The following MEOX2 variants were observed in gnomAD, a reference collection of about 807,000 sequenced individuals.
MEOX2 encodes homeobox protein MOX-2.
MEOX2 carries 11 observed loss-of-function variants against 27.0 expected under a neutral mutation model. The observed-to-expected ratio is 0.41, with a 90% CI of 0.26 to 0.68. MEOX2 has a LOEUF of 0.68. Among genes scored for constraint, MEOX2 ranks in the 30% least tolerant of loss-of-function variants. MEOX2 has a pLI of 0.33. For missense variants in MEOX2, 436 were observed against 385.4 expected (o/e 1.13, Z -1.10); for synonymous variants, 189 against 155.4 (o/e 1.22, Z -1.61).
At chr7:15,665,609 A>G (rs550916475) in intron 1 of MEOX2, among the ~76,000 whole-genome samples, 1 of 152,222 alleles carries the variant, frequency 6.6e-6, no homozygotes, top group Non-Finnish European at 1.5e-5. Flanking sequence ...TTTACCATGT[A>G]GTAAATATCA....
At position 15,670,599 on chromosome 7, in the gene MEOX2, C is replaced by T. The variant is rs183713996; in HGVS notation, c.517+15287G>A. Among the ~76,000 whole-genome samples, 45 of 152,252 alleles carry T rather than the reference C, an allele frequency of 3.0e-4. No homozygotes were observed. In the East Asian group the frequency reaches 4.1e-3, roughly 14 times the overall value. On this transcript the variant is annotated intron_variant, in intron 1 of 2. Coordinates refer to ENST00000262041, the MANE Select transcript of MEOX2 (RefSeq NM_005924.5). ...ACATATATCTATTGAGTACTTGGAA[C>T]GTGCTTAGTGGAGCCAAACAATTGA...
intron 1 of MEOX2, among the ~76,000 whole-genome samples, chr7:15,633,696 C>T (rs17168937): frequency 0.086 from 13,092 of 151,822 alleles, 1,334 homozygotes; most frequent in East Asian, 0.37. Context: ...TCATCATAGT[C>T]GCTTTAATGT....
chr7:15,684,825 G>A (rs1782351072), intron 1 of MEOX2, among the ~76,000 whole-genome samples: 1 of 152,204 alleles, frequency 6.6e-6, no homozygotes, highest in Non-Finnish European at 1.5e-5. Flanking sequence ...AAACTCACAA[G>A]TCTCTTAATT....
At chr7:15,644,198 T>C (rs1781607408) in intron 1 of MEOX2, among the ~76,000 whole-genome samples, 1 of 152,062 alleles carries the variant, frequency 6.6e-6, no homozygotes, top group South Asian at 2.1e-4. Context: ...ATTTTCATTG[T>C]AGCTGCCCAG....
Position 15,686,183 on chromosome 7 carries a change from G to A in MEOX2, c.220C>T (p.His74Tyr). ...TGCTGATGGTGGTGATGGTGGTGGT[G>A]GTGGTGGTGGTGGTGGTGCCCCCTG... ...HHRGHHHHHHHHHHHHHQQQQ... is the reference protein window; with the variant it reads ...HHRGHHHHHHYHHHHHHQQQQ... Residue 74 changes from histidine to tyrosine, a missense_variant, in exon 1 of 3, where the codon CAC (histidine) becomes TAC (tyrosine). Physicochemically the swap from His to Tyr is moderately conservative, Grantham distance 83. Transcript: ENST00000262041. The A allele has an allele frequency of 6.3e-7, 1 of 1,590,272 alleles. No homozygotes were observed. The highest frequency in any genetic ancestry group is 8.6e-7 in the Non-Finnish European group (1 of 1,165,506).
At chr7:15,660,927 C>T (rs1335298775) in intron 1 of MEOX2, among the ~76,000 whole-genome samples, 2 of 136,284 alleles carry the variant, frequency 1.5e-5, no homozygotes, top group Non-Finnish European at 3.1e-5. Flanking sequence ...GTGGGAGGAT[C>T]ACTTGAACTC....
intron 1 of MEOX2, among the ~76,000 whole-genome samples, chr7:15,648,056 G>C (rs935494286): frequency 2.0e-5 from 3 of 151,944 alleles, no homozygotes; most frequent in Admixed American, 6.6e-5. Context: ...ATACTATCAG[G>C]CTAGAGATAG....
intron 1 of MEOX2, among the ~76,000 whole-genome samples, chr7:15,669,627 G>A (rs948067901): frequency 2.2e-4 from 33 of 152,202 alleles, no homozygotes; most frequent in Non-Finnish European, 3.5e-4. Context: ...ATTGCGTAAT[G>A]TATGGCCACG....
chr7:15,653,622 T>A (rs561466416), intron 1 of MEOX2, among the ~76,000 whole-genome samples: 1 of 152,146 alleles, frequency 6.6e-6, no homozygotes, highest in South Asian at 2.1e-4. Flanking sequence ...GTTTTGCATT[T>A]ACATCCATCA....
At chr7:15,635,784 C>A (rs556263143) in intron 1 of MEOX2, among the ~76,000 whole-genome samples, 1 of 152,018 alleles carries the variant, frequency 6.6e-6, no homozygotes, top group Non-Finnish European at 1.5e-5. Context: ...AATGGTTGGG[C>A]CCCTAAAAGT....
At chr7:15,672,527 T>A (rs1045776938) in intron 1 of MEOX2, among the ~76,000 whole-genome samples, 1 of 152,234 alleles carries the variant, frequency 6.6e-6, no homozygotes, top group African/African-American at 2.4e-5. Flanking sequence ...TGCATACTTA[T>A]TTTTGTCCTG....
At chr7:15,681,627 T>G (rs938995787) in intron 1 of MEOX2, 4 of 151,786 alleles carry the variant, frequency 2.6e-5, no homozygotes, top group Non-Finnish European at 5.9e-5. Flanking sequence ...TATTACAACT[T>G]AAATTCCAGA....
intron 1 of MEOX2, among the ~76,000 whole-genome samples, chr7:15,642,220 T>C (rs565509052): frequency 1.3e-5 from 2 of 152,346 alleles, no homozygotes; most frequent in East Asian, 1.9e-4. Flanking sequence ...AGTTAGTTAC[T>C]TTTTTGTCTT....
At chr7:15,630,297 T>C (rs1207972592) in intron 1 of MEOX2, among the ~76,000 whole-genome samples, 1 of 152,052 alleles carries the variant, frequency 6.6e-6, no homozygotes, top group Non-Finnish European at 1.5e-5. Flanking sequence ...ATCATTTCTG[T>C]CTAGCATTTA....
chr7:15,631,240 A>T (rs1781397134), intron 1 of MEOX2, among the ~76,000 whole-genome samples: 1 of 151,906 alleles, frequency 6.6e-6, no homozygotes, highest in Non-Finnish European at 1.5e-5. Context: ...GCAAAAAAAA[A>T]AAATCATTGT....
Position 15,627,487 on chromosome 7 carries a change from A to G in MEOX2, c.518-569T>C, listed in dbSNP as rs1376102451. On this transcript the variant is annotated intron_variant, in intron 1 of 2. Coordinates refer to ENST00000262041, the MANE Select transcript of MEOX2 (RefSeq NM_005924.5). ...TAGCAATGTTCTTTTATTTTATATT[A>G]TACTTAGTCCAACATGGAATCTATA... 2.0e-5 allele frequency among the ~76,000 whole-genome samples: 3 copies of G among 152,060 alleles called. No homozygotes were observed. The East Asian group carries it at 5.8e-4, about 29-fold the overall frequency.
chr7:15,680,161 A>G (rs1782269694), intron 1 of MEOX2: 1 of 152,000 alleles, frequency 6.6e-6, no homozygotes, highest in African/African-American at 2.4e-5. Flanking sequence ...TTACCATGTA[A>G]CTTTCTGTTA....
chr7:15,685,521 G>T (rs185488715), intron 1 of MEOX2, among the ~76,000 whole-genome samples: 28 of 152,308 alleles, frequency 1.8e-4, no homozygotes, highest in Admixed American at 1.0e-3. Flanking sequence ...CCGCACGCAC[G>T]CCTGCCCAAC....
intron 1 of MEOX2, among the ~76,000 whole-genome samples, chr7:15,633,849 C>G (rs909046206): frequency 1.3e-5 from 2 of 151,850 alleles, no homozygotes; most frequent in Non-Finnish European, 2.9e-5. Flanking sequence ...TAAATACCTA[C>G]TATTCTGCTG....
Sources: gnomAD v4.1 joint callset for allele counts (sites outside exome capture counted in the v4.1 genomes callset) on GRCh38, gnomAD v4.1.1 for gene constraint, MANE v1.5 for transcripts, NCBI Gene and HGNC (gene_info 2026-07-23, HGNC 2026-07-21) for gene names.